GPATCH2: variants seen among roughly 807,000 people sequenced by gnomAD.
GPATCH2 encodes the protein G-patch domain containing 2.
GPATCH2 carries 51 observed loss-of-function variants against 58.0 expected under a neutral mutation model. The observed-to-expected ratio is 0.88, with a 90% confidence interval of 0.70 to 1.11. GPATCH2 has a LOEUF of 1.11. Ranked by LOEUF, GPATCH2 falls within the 50% of genes most tolerant of loss-of-function variation. GPATCH2 has a pLI of 0.00. For synonymous variants in GPATCH2, 222 were observed against 218.5 expected, an observed-to-expected ratio of 1.02 and a Z score of -0.14; for missense variants, 625 against 652.2, an observed-to-expected ratio of 0.96 and a Z score of 0.45.
intron 9 of GPATCH2, among the ~76,000 whole-genome samples, chr1:217,435,692 A>G (rs1344248165): frequency 6.6e-6 from 1 of 152,228 alleles, no homozygotes; most frequent in Non-Finnish European, 1.5e-5. Flanking sequence ...TAGGAACATT[A>G]TAACAATGAT....
chr1:217,631,039 G>T lies in GPATCH2; in HGVS notation c.-68C>A. On this transcript the variant is annotated 5_prime_UTR_variant, in exon 1 of 10. Transcript: ENST00000366935. ...ACAGACTCCAACTACAACAGCACCG[G>T]CGACTTCCAAAGAGCAGTTCAGCAT... 7.0e-7 allele frequency: 1 copy of T among 1,427,162 alleles called. No homozygotes were observed. The highest frequency in any genetic ancestry group is 9.6e-7 in the Non-Finnish European group (1 of 1,045,658). The allele number at this position is 1,427,162 out of a possible 1,614,324, so 88.4% of individuals were successfully genotyped here. A position where few individuals can be genotyped will look rare whatever the true frequency, so the allele number is the denominator to read the frequency against.
chr1:217,498,864 C>T, intron 6 of GPATCH2: 1 of 208,920 alleles, frequency 4.8e-6, no homozygotes, highest in South Asian at 6.9e-5. Flanking sequence ...ATGAATTCTG[C>T]AGCATCAGCT....
At chr1:217,577,193 C>T (rs1223690796) in intron 5 of GPATCH2, among the ~76,000 whole-genome samples, 1 of 152,152 alleles carries the variant, frequency 6.6e-6, no homozygotes, top group East Asian at 1.9e-4. Flanking sequence ...TTAAAAATTT[C>T]CTTACCCTAA....
intron 9 of GPATCH2, among the ~76,000 whole-genome samples, chr1:217,448,569 T>C (rs149002446): frequency 6.6e-6 from 1 of 152,314 alleles, no homozygotes; most frequent in Non-Finnish European, 1.5e-5. Flanking sequence ...CAACCTTCAC[T>C]ACAAGGCGAG....
intron 5 of GPATCH2, among the ~76,000 whole-genome samples, chr1:217,550,576 T>C (rs1665301329): frequency 6.6e-6 from 1 of 152,070 alleles, no homozygotes; most frequent in African/African-American, 2.4e-5. Flanking sequence ...CAAATTTTCT[T>C]GTTACCTAGT....
chr1:217,487,838 G>A (rs1440053976), intron 8 of GPATCH2, among the ~76,000 whole-genome samples: 2 of 152,130 alleles, frequency 1.3e-5, no homozygotes, highest in South Asian at 2.1e-4. Flanking sequence ...CGACTCCTGG[G>A]TTCAAGTGAT....
intron 5 of GPATCH2, among the ~76,000 whole-genome samples, chr1:217,549,509 T>C (rs918016728): frequency 6.6e-6 from 1 of 151,868 alleles, no homozygotes; most frequent in African/African-American, 2.4e-5. Flanking sequence ...TAGTATCTTC[T>C]TACCTCTCCA....
intron 6 of GPATCH2, among the ~76,000 whole-genome samples, chr1:217,513,965 C>A (rs1390841658): frequency 6.6e-6 from 1 of 151,672 alleles, no homozygotes; most frequent in Non-Finnish European, 1.5e-5. Context: ...GCTGGGACTA[C>A]AGGCATGCGC....
At chr1:217,600,031 G>A (rs1668038011) in intron 5 of GPATCH2, among the ~76,000 whole-genome samples, 2 of 152,028 alleles carry the variant, frequency 1.3e-5, no homozygotes, top group African/African-American at 4.8e-5. Context: ...GTCACTTAAA[G>A]ATAAACACTC....
At chr1:217,607,320 A>G (rs137933967) in intron 5 of GPATCH2, among the ~76,000 whole-genome samples, 1 of 152,294 alleles carries the variant, frequency 6.6e-6, no homozygotes, top group Non-Finnish European at 1.5e-5. Context: ...AAACTATCAT[A>G]CTGTAAACAT....
chr1:217,489,252 G>T (rs1661603128), intron 8 of GPATCH2, among the ~76,000 whole-genome samples: 1 of 151,668 alleles, frequency 6.6e-6, no homozygotes, highest in African/African-American at 2.4e-5. Context: ...TTAAAAAATG[G>T]ATTATTTGAC....
chr1:217,558,318 T>C (rs970246190), intron 5 of GPATCH2, among the ~76,000 whole-genome samples: 2 of 152,218 alleles, frequency 1.3e-5, no homozygotes, highest in African/African-American at 4.8e-5. Flanking sequence ...TAGTGTATAC[T>C]AAATAAATAT....
chr1:217,503,844 T>C (rs1662421294), intron 6 of GPATCH2, among the ~76,000 whole-genome samples: 1 of 152,124 alleles, frequency 6.6e-6, no homozygotes, highest in South Asian at 2.1e-4. Context: ...CATCCAACTG[T>C]TGGTCAAAGG....
chr1:217,448,139 C>CT (rs1259187002), intron 9 of GPATCH2, among the ~76,000 whole-genome samples: 43 of 150,342 alleles, frequency 2.9e-4, no homozygotes, highest in Admixed American at 1.2e-3. Context: ...AGTTTCACAT[C>CT]TTTTTTTTCC....
Position 217,449,309 on chromosome 1 carries a change from A to AT in GPATCH2, c.1305dup (p.Cys436MetfsTer25). 6.2e-7 allele frequency: 1 copy of AT among 1,606,266 alleles called. No homozygotes were observed. The highest frequency in any genetic ancestry group is 8.5e-7 in the Non-Finnish European group (1 of 1,172,866). ...CTTCTCCGTTTGATATCTCCCGTGC[A>AT]TAAGGATCCTAAATGCATGCTTGTT... On this transcript the variant is annotated frameshift_variant, in exon 9 of 10. Transcript: ENST00000366935. LOFTEE classifies it high-confidence loss of function.
intron 5 of GPATCH2, among the ~76,000 whole-genome samples, chr1:217,592,040 A>C (rs1022383911): frequency 6.6e-5 from 10 of 152,034 alleles, no homozygotes; most frequent in African/African-American, 2.4e-4. Context: ...AACTTAAAGA[A>C]AGAACTATTT....
At chr1:217,498,634 A>G (rs1056899885) in intron 6 of GPATCH2, 14 of 582,066 alleles carry the variant, frequency 2.4e-5, no homozygotes, top group Non-Finnish European at 4.3e-5. Context: ...TTACATTTCC[A>G]TTTAATTATG....
rs1658435839 is a variant in GPATCH2 at position 217,429,398 on chromosome 1, A to G, written c.*1747T>C. The G allele has an allele frequency of 2.0e-5, 3 of 152,138 alleles. No individual in the cohort carries two copies. 9.4% of individuals were successfully genotyped at this position (152,138 alleles called of 1,614,324 possible). ...CCTGGGAAAGAAGATAATTCTCAAG[A>G]AATGTACATTTGGCAAACCGTGAAG... is the stretch of plus-strand genomic sequence containing the variant. On this transcript the variant is annotated 3_prime_UTR_variant, in exon 10 of 10. Coordinates refer to ENST00000366935, the MANE Select transcript of GPATCH2 (RefSeq NM_018040.5).
In GPATCH2 at chr1:217,547,318, G is replaced by A. The variant is rs977714659; in HGVS notation, c.1099-32429C>T. On this transcript the variant is annotated intron_variant, in intron 5 of 9. Transcript: ENST00000366935. ...GCAGAGGTTGCAGTGAGCAGAGATC[G>A]CGCCACTGCACTCCAGCCTGGGTGA... 1.5e-4 allele frequency among the ~76,000 whole-genome samples: 23 copies of A among 151,550 alleles called. No homozygotes were observed. The South Asian group carries it at 1.7e-3, about 11-fold the overall frequency.
Sources: gnomAD v4.1 joint callset for allele counts (sites outside exome capture counted in the v4.1 genomes callset) on GRCh38, gnomAD v4.1.1 for gene constraint, MANE v1.5 for transcripts, NCBI Gene and HGNC (gene_info 2026-07-23, HGNC 2026-07-21) for gene names.